The following LIPA variants were observed in gnomAD, a reference collection of about 807,000 sequenced individuals.
LIPA encodes the protein lysosomal acid lipase/cholesteryl ester hydrolase.
LIPA carries 26 observed loss-of-function variants against 40.6 expected under a neutral mutation model. That is an observed-to-expected ratio of 0.64 (90% CI 0.47 to 0.89). The LOEUF (loss-of-function observed/expected upper bound fraction) is 0.89. Ranked by LOEUF, LIPA falls within the 40% of genes least tolerant of loss-of-function variation. LIPA has a pLI of 0.00. For missense variants in LIPA, 455 were observed against 479.6 expected (o/e 0.95, Z 0.48); for synonymous variants, 188 against 168.4 (o/e 1.12, Z -0.90).
chr10:89,407,383 T>C (rs1205669061), intron 2 of LIPA, among the ~76,000 whole-genome samples: 1 of 152,166 alleles, frequency 6.6e-6, no homozygotes, highest in Non-Finnish European at 1.5e-5. Flanking sequence ...ATAAGAATGA[T>C]TTCTAGTATA....
intron 1 of LIPA, among the ~76,000 whole-genome samples, chr10:89,341,807 C>T (rs1564795182): frequency 6.6e-6 from 1 of 152,178 alleles, no homozygotes; most frequent in Non-Finnish European, 1.5e-5. Context: ...CATTTCCAAA[C>T]TCAAAGATCC....
In LIPA at chr10:89,214,166, A is replaced by G. The variant is rs1358148915; in HGVS notation, c.*662T>C. On this transcript the variant is annotated 3_prime_UTR_variant, in exon 10 of 10. Transcript: ENST00000336233. The stretch of plus-strand genomic sequence containing the variant: ...CTTTTGTTTTTGTTTTATCAGTGCA[A>G]TTTGTTTTTGAAGACGCCGGAAAAC... The G allele has an allele frequency of 1.3e-5, 2 of 152,332 alleles. No individual in the cohort carries two copies. Among genetic ancestry groups the G allele is most frequent in the African/African-American group, 4.8e-5 (2 of 41,454 alleles). 9.4% of individuals were successfully genotyped at this position (152,332 alleles called of 1,614,324 possible).
intron 2 of LIPA, among the ~76,000 whole-genome samples, chr10:89,376,016 A>G (rs1007625468): frequency 1.3e-5 from 2 of 151,842 alleles, no homozygotes; most frequent in Non-Finnish European, 2.9e-5. Context: ...GTGAAACCCC[A>G]TCTCTACTAA....
chr10:89,392,466 T>TTCCCCCCC (rs1844266224), intron 2 of LIPA: 8 of 287,668 alleles, frequency 2.8e-5, no homozygotes, highest in South Asian at 1.6e-4. Flanking sequence ...AAAGTTTCAT[T>TTCCCCCCC]CCCCACCCCC....
Position 89,303,345 on chromosome 10 carries a change from C to A in LIPA, c.-2+39266G>T, listed in dbSNP as rs573865140. Among the ~76,000 whole-genome samples, 10 of 152,324 alleles carry A rather than the reference C, an allele frequency of 6.6e-5. No homozygotes were observed. The South Asian group carries it at 1.2e-3, about 19-fold the overall frequency. On this transcript the variant is annotated intron_variant, in intron 1 of 5. Coordinates refer to the LIPA transcript ENST00000282673. ...GGTTAGAGTCTGAGGATGTGTGTTTCTAAAAGGCTCCTCAGTGATTCTGAG... is the reference window on the plus strand; with the variant it reads ...GGTTAGAGTCTGAGGATGTGTGTTTATAAAAGGCTCCTCAGTGATTCTGAG...
chr10:89,282,594 C>T (rs1471028342), intron 1 of LIPA, among the ~76,000 whole-genome samples: 1 of 151,916 alleles, frequency 6.6e-6, no homozygotes, highest in Non-Finnish European at 1.5e-5. Context: ...GAGCCGAGAT[C>T]GTGCCATTGC....
rs1338962406 is a variant in LIPA, at chr10:89,214,644, A to G, written c.*184T>C. Reference sequence around the variant, plus strand: ...TCCTATTCCAGCCCTAATTAAAGAAAAAATAGCTAGTATGTTTCTAATTGA... The same window carrying G: ...TCCTATTCCAGCCCTAATTAAAGAAGAAATAGCTAGTATGTTTCTAATTGA... On this transcript the variant is annotated 3_prime_UTR_variant, in exon 10 of 10. Transcript: ENST00000336233. The G allele has an allele frequency of 1.2e-5, 7 of 577,818 alleles. No homozygotes were observed. The highest frequency in any genetic ancestry group is 2.1e-5 in the Non-Finnish European group (7 of 326,804). The allele number at this position is 577,818 out of a possible 1,614,324, so 35.8% of individuals were successfully genotyped here.
intron 2 of LIPA, among the ~76,000 whole-genome samples, chr10:89,351,371 A>G (rs1339716494): frequency 2.0e-5 from 3 of 152,224 alleles, no homozygotes; most frequent in Non-Finnish European, 4.4e-5. Context: ...AATCATAAAT[A>G]TGTAATCAGC....
At chr10:89,257,750 C>T (rs1674265256) in intron 1 of LIPA, among the ~76,000 whole-genome samples, 1 of 152,218 alleles carries the variant, frequency 6.6e-6, no homozygotes, top group Non-Finnish European at 1.5e-5. Flanking sequence ...AAAGCATTCT[C>T]ATCTGGCAGT....
At chr10:89,409,513 C>A (rs1477665369) in intron 2 of LIPA, among the ~76,000 whole-genome samples, 1 of 152,230 alleles carries the variant, frequency 6.6e-6, no homozygotes, top group Non-Finnish European at 1.5e-5. Flanking sequence ...GACAAAGGTT[C>A]TCTGGGACAG....
intron 4 of LIPA, 125 bp downstream of exon 4, chr10:89,228,075 G>T: frequency 1.3e-6 from 1 of 792,282 alleles, no homozygotes; most frequent in Non-Finnish European, 2.2e-6. Context: ...CCTTTCAAAA[G>T]ACACTAACTT....
chr10:89,305,820 C>G, intron 1 of LIPA: 1 of 649,730 alleles, frequency 1.5e-6, no homozygotes. Flanking sequence ...TAAGGAAAAA[C>G]ATATTATAGA....
chr10:89,350,239 TATTA>T (rs1843949815), intron 2 of LIPA, among the ~76,000 whole-genome samples: 1 of 151,648 alleles, frequency 6.6e-6, no homozygotes, highest in South Asian at 2.1e-4. Context: ...ATATGATATT[TATTA>T]ATTATTTAGG....
intron 2 of LIPA, among the ~76,000 whole-genome samples, chr10:89,394,825 T>G (rs1046709603): frequency 6.6e-6 from 1 of 152,000 alleles, no homozygotes; most frequent in Non-Finnish European, 1.5e-5. Context: ...TGCATAGCCA[T>G]TAAGCAGTCA....
At chr10:89,341,691 G>A (rs999376610) in intron 1 of LIPA, among the ~76,000 whole-genome samples, 2 of 152,152 alleles carry the variant, frequency 1.3e-5, no homozygotes, top group Non-Finnish European at 2.9e-5. Flanking sequence ...AAAGACTGTG[G>A]CCCTAAAGGA....
chr10:89,374,775 C>T (rs1359072454), intron 2 of LIPA, among the ~76,000 whole-genome samples: 1 of 152,134 alleles, frequency 6.6e-6, no homozygotes, highest in Non-Finnish European at 1.5e-5. Context: ...GGAAATGAGT[C>T]CCATTCCAAA....
At chr10:89,390,230 C>T (rs1844236657) in intron 2 of LIPA, among the ~76,000 whole-genome samples, 1 of 152,144 alleles carries the variant, frequency 6.6e-6, no homozygotes, top group African/African-American at 2.4e-5. Flanking sequence ...AGGTGATCCG[C>T]CCGTCTTGTC....
chr10:89,320,168 T>C (rs1304372825), intron 1 of LIPA, among the ~76,000 whole-genome samples: 1 of 152,208 alleles, frequency 6.6e-6, no homozygotes, highest in Non-Finnish European at 1.5e-5. Flanking sequence ...AAGACAGGGA[T>C]GCCCTCTCTC....
At chr10:89,306,511 G>T (rs779710990) in intron 1 of LIPA, 4 of 1,614,082 alleles carry the variant, frequency 2.5e-6, no homozygotes, top group Non-Finnish European at 3.4e-6. Context: ...GCTACCGTCT[G>T]GACAACTGGC....
Sources: gnomAD v4.1 joint callset for allele counts (sites outside exome capture counted in the v4.1 genomes callset) on GRCh38, gnomAD v4.1.1 for gene constraint, MANE v1.5 for transcripts, NCBI Gene and HGNC (gene_info 2026-07-23, HGNC 2026-07-21) for gene names.